Variants in PRKG1 observed in about 807,000 individuals in gnomAD.
The protein encoded by PRKG1 is protein kinase cGMP-dependent 1, also known as cGMP-dependent protein kinase 1.
PRKG1 carries 35 observed loss-of-function variants against 88.1 expected under a neutral mutation model. The ratio of observed to expected loss-of-function variants is 0.40; its 90% CI spans 0.30 to 0.53. The LOEUF (loss-of-function observed/expected upper bound fraction) is 0.53, where lower values mean the gene tolerates loss of function less well. Among genes scored for constraint, PRKG1 ranks in the 20% least tolerant of loss-of-function variants. PRKG1 has a pLI of 0.59. For missense variants in PRKG1, 540 were observed against 839.8 expected (o/e 0.64, Z 4.41); for synonymous variants, 303 against 292.5 (o/e 1.04, Z -0.37).
At chr10:52,186,607 C>G (rs1220412175) in intron 9 of PRKG1, among the ~76,000 whole-genome samples, 1 of 151,922 alleles carries the variant, frequency 6.6e-6, no homozygotes, top group Admixed American at 6.6e-5. Context: ...GTATCTTGTA[C>G]ATTGTAGCAT....
At chr10:51,589,427 C>T (rs1415315988) in intron 3 of PRKG1, among the ~76,000 whole-genome samples, 1 of 152,100 alleles carries the variant, frequency 6.6e-6, no homozygotes, top group Non-Finnish European at 1.5e-5. Context: ...TTTTTGAGAC[C>T]AACCTAGCCA....
intron 1 of PRKG1, among the ~76,000 whole-genome samples, chr10:51,003,966 T>C (rs867991920): frequency 5.9e-5 from 9 of 152,298 alleles, no homozygotes; most frequent in Middle Eastern, 6.8e-3. Flanking sequence ...ACTGATATTT[T>C]GGCAAGTTTT....
intron 1 of PRKG1, among the ~76,000 whole-genome samples, chr10:51,122,051 C>T (rs776383300): frequency 6.6e-6 from 1 of 152,146 alleles, no homozygotes; most frequent in Non-Finnish European, 1.5e-5. Flanking sequence ...CCCCTAGCAT[C>T]ATGTCGCTGC....
intron 7 of PRKG1, among the ~76,000 whole-genome samples, chr10:52,088,057 A>T (rs1846960345): frequency 6.6e-6 from 1 of 152,198 alleles, no homozygotes; most frequent in Admixed American, 6.6e-5. Context: ...AGGGAAAGTC[A>T]GAAAATGTGC....
chr10:51,581,705 C>A (rs1287389652), intron 3 of PRKG1, among the ~76,000 whole-genome samples: 1 of 151,882 alleles, frequency 6.6e-6, no homozygotes, highest in Admixed American at 6.6e-5. Flanking sequence ...TTTATATTTA[C>A]AATAATCAGG....
chr10:52,056,790 T>C (rs1846121211), intron 6 of PRKG1, among the ~76,000 whole-genome samples: 1 of 151,970 alleles, frequency 6.6e-6, no homozygotes, highest in Admixed American at 6.6e-5. Context: ...ATATTAACAA[T>C]ATTAATTATA....
At chr10:51,507,298 TA>T (rs148879187) in intron 3 of PRKG1, among the ~76,000 whole-genome samples, 9 of 150,294 alleles carry the variant, frequency 6.0e-5, no homozygotes, top group East Asian at 1.9e-4. Context: ...ACTTAAAGTA[TA>T]AAAAAAAATA....
chr10:51,363,216 C>CAA (rs748036560), intron 2 of PRKG1, among the ~76,000 whole-genome samples: 14 of 116,980 alleles, frequency 1.2e-4, no homozygotes, highest in African/African-American at 3.1e-4. Context: ...CAATCCTAGT[C>CAA]AAAAAAAAAA....
At chr10:51,628,059 T>C (rs965991063) in intron 3 of PRKG1, among the ~76,000 whole-genome samples, 13 of 145,144 alleles carry the variant, frequency 9.0e-5, no homozygotes, top group Admixed American at 3.5e-4. Flanking sequence ...TCCTTTCCTT[T>C]CTTTCTTTCC....
intron 1 of PRKG1, among the ~76,000 whole-genome samples, chr10:51,035,194 G>A (rs60989998): frequency 0.035 from 5,343 of 152,146 alleles, 294 homozygotes; most frequent in African/African-American, 0.12. Flanking sequence ...TGACTGCTCT[G>A]TGCCTCAGTT....
At chr10:51,032,421 C>A (rs1473810319) in intron 1 of PRKG1, among the ~76,000 whole-genome samples, 1 of 150,846 alleles carries the variant, frequency 6.6e-6, no homozygotes, top group Non-Finnish European at 1.5e-5. Flanking sequence ...GATTTTATTT[C>A]CACAGACAAT....
chr10:51,014,545 C>T (rs559875679), intron 1 of PRKG1, among the ~76,000 whole-genome samples: 1 of 151,454 alleles, frequency 6.6e-6, no homozygotes, highest in South Asian at 2.1e-4. Flanking sequence ...TTTTTTCACA[C>T]CTTATATCTT....
chr10:51,170,521 G>C (rs1420045973), intron 2 of PRKG1, among the ~76,000 whole-genome samples: 1 of 151,794 alleles, frequency 6.6e-6, no homozygotes, highest in Non-Finnish European at 1.5e-5. Flanking sequence ...AGGGGATAGT[G>C]TGACATGTGG....
At chr10:51,260,024 A>G (rs1488302246) in intron 2 of PRKG1, among the ~76,000 whole-genome samples, 1 of 152,184 alleles carries the variant, frequency 6.6e-6, no homozygotes, top group Admixed American at 6.5e-5. Context: ...ATACATATGT[A>G]TATACACACA....
intron 2 of PRKG1, among the ~76,000 whole-genome samples, chr10:51,447,450 T>C (rs766839457): frequency 1.2e-4 from 18 of 152,198 alleles, no homozygotes; most frequent in Non-Finnish European, 2.4e-4. Flanking sequence ...TCAGTAGATA[T>C]ATAAGAAAGA....
chr10:51,947,936 G>A (rs996582180), intron 5 of PRKG1, among the ~76,000 whole-genome samples: 5 of 152,172 alleles, frequency 3.3e-5, no homozygotes, highest in Admixed American at 6.6e-5. Flanking sequence ...TCAGATGAGG[G>A]CATGCACAAG....
intron 7 of PRKG1, among the ~76,000 whole-genome samples, chr10:52,132,669 T>C (rs1017163755): frequency 2.0e-5 from 3 of 152,128 alleles, no homozygotes; most frequent in Admixed American, 2.0e-4. Flanking sequence ...ATTTCATATG[T>C]ACCTATCTCT....
chr10:52,090,324 C>T (rs61849904), intron 7 of PRKG1, among the ~76,000 whole-genome samples: 27,627 of 151,746 alleles, frequency 0.18, 2,699 homozygotes, highest in Middle Eastern at 0.24. Flanking sequence ...AAAGCTAAAA[C>T]AATTTGTGTA....
intron 2 of PRKG1, among the ~76,000 whole-genome samples, chr10:51,213,273 A>C (rs1008401061): frequency 2.0e-5 from 3 of 152,102 alleles, no homozygotes; most frequent in Non-Finnish European, 4.4e-5. Context: ...CAATGAGAAC[A>C]CATGGACACA....
Sources: gnomAD v4.1 joint callset for allele counts (sites outside exome capture counted in the v4.1 genomes callset) on GRCh38, gnomAD v4.1.1 for gene constraint, MANE v1.5 for transcripts, NCBI Gene and HGNC (gene_info 2026-07-23, HGNC 2026-07-21) for gene names.